The following GALNT2 variants were observed in gnomAD, a reference collection of about 807,000 sequenced individuals.
The protein encoded by GALNT2 is UDP-GalNAc:polypeptide N-acetylgalactosaminyltransferase 2.
Under a neutral mutation model 81.4 loss-of-function variants are expected in GALNT2, and 31 were observed. The ratio of observed to expected loss-of-function variants is 0.38; its 90% CI spans 0.29 to 0.51. The LOEUF (loss-of-function observed/expected upper bound fraction) is 0.51. Among genes scored for constraint, GALNT2 ranks in the 20% least tolerant of loss-of-function variants. The pLI is 0.87. For synonymous variants in GALNT2, 303 were observed against 287.4 expected (o/e 1.05, Z -0.55); for missense variants, 629 against 765.7 (o/e 0.82, Z 2.11).
At chr1:230,237,239 A>G (rs913942199) in intron 6 of GALNT2, among the ~76,000 whole-genome samples, 3 of 152,034 alleles carry the variant, frequency 2.0e-5, no homozygotes, top group Non-Finnish European at 2.9e-5. Context: ...GCTCATGAGG[A>G]CTCTTTTATT....
At chr1:230,203,358 C>T (rs370781777) in intron 3 of GALNT2, 68 bp downstream of exon 3, 3 of 1,530,928 alleles carry the variant, frequency 2.0e-6, no homozygotes, top group South Asian at 2.3e-5. Flanking sequence ...GTCGCTTTCA[C>T]CTGTGACACT....
chr1:230,276,125 GATATATACATATATATACACACCACAT>G (rs1558174758), intron 15 of GALNT2, among the ~76,000 whole-genome samples: 2 of 150,154 alleles, frequency 1.3e-5, no homozygotes, highest in South Asian at 2.1e-4. Context: ...AGACACCACA[GATATATACATATATATACACACCACAT>G]ATATATACAT....
intron 1 of GALNT2, among the ~76,000 whole-genome samples, chr1:230,082,338 A>C (rs1274892366): frequency 6.6e-6 from 1 of 152,386 alleles, no homozygotes; most frequent in East Asian, 1.9e-4. Flanking sequence ...ACCGTAGAAC[A>C]AAGCAGGCTT....
chr1:230,136,942 G>A (rs1335235028), intron 1 of GALNT2, among the ~76,000 whole-genome samples: 1 of 152,170 alleles, frequency 6.6e-6, no homozygotes, highest in Non-Finnish European at 1.5e-5. Context: ...TTCACCTCAC[G>A]GACAGCGAAG....
chr1:230,108,618 C>T (rs896195473), intron 1 of GALNT2, among the ~76,000 whole-genome samples: 3 of 152,182 alleles, frequency 2.0e-5, no homozygotes, highest in African/African-American at 4.8e-5. Context: ...CATCTGAAGT[C>T]GAAAATGCAT....
chr1:230,262,501 C>T, intron 11 of GALNT2, 72 bp from the exon 12 acceptor site: 1 of 1,327,606 alleles, frequency 7.5e-7, no homozygotes, highest in African/African-American at 1.4e-5. Context: ...CACACGCCAG[C>T]AGACAGGTGC....
chr1:230,095,928 G>A (rs1660243124), intron 1 of GALNT2, among the ~76,000 whole-genome samples: 1 of 152,240 alleles, frequency 6.6e-6, no homozygotes, highest in African/African-American at 2.4e-5. Flanking sequence ...CCAGCCGCGA[G>A]GCACCTGTGG....
chr1:230,100,615 A>G (rs1380610463), intron 1 of GALNT2, among the ~76,000 whole-genome samples: 1 of 152,150 alleles, frequency 6.6e-6, no homozygotes, highest in East Asian at 1.9e-4. Flanking sequence ...CGTGAGCCAC[A>G]GCACCCGGCG....
rs562296749 is a variant in GALNT2 at position 230,112,382 on chromosome 1, G to GA, written c.126+44977dup. On this transcript the variant is annotated intron_variant, in intron 1 of 15. Coordinates refer to ENST00000366672, the MANE Select transcript of GALNT2 (RefSeq NM_004481.5). ...GAGCCTGCCTCCAGAGGCGCCGGGG[G>GA]AGGGGGGGGGCCTGCATTTAGAGTG... is the stretch of plus-strand genomic sequence containing the variant. 1.6e-4 allele frequency among the ~76,000 whole-genome samples: 22 copies of GA among 137,684 alleles called. No homozygotes were observed. The South Asian group carries it at 4.4e-3, about 28-fold the overall frequency. The allele number at this position is 137,684 out of a possible 152,430, so 90.3% of individuals were successfully genotyped here. A position where few individuals can be genotyped will look rare whatever the true frequency, so the allele number is the denominator to read the frequency against.
At chr1:230,225,990 C>A (rs893404675) in intron 3 of GALNT2, among the ~76,000 whole-genome samples, 5 of 152,210 alleles carry the variant, frequency 3.3e-5, no homozygotes, top group African/African-American at 1.2e-4. Context: ...GTCTTATGCT[C>A]ACTAAACTGT....
intron 1 of GALNT2, among the ~76,000 whole-genome samples, chr1:230,177,349 C>T (rs991722421): frequency 7.9e-5 from 12 of 152,352 alleles, no homozygotes; most frequent in African/African-American, 2.6e-4. Context: ...TCCGCCTAAT[C>T]GCATCTGCTC....
chr1:230,102,894 G>A (rs1049881068), intron 1 of GALNT2, among the ~76,000 whole-genome samples: 1 of 152,148 alleles, frequency 6.6e-6, no homozygotes, highest in African/African-American at 2.4e-5. Flanking sequence ...CGGGGCCATG[G>A]GTGAAGACTG....
In GALNT2 at chr1:230,275,005, G is replaced by GAACA. The variant is rs1666249031; in HGVS notation, c.1560+441_1560+442insAACA. On this transcript the variant is annotated intron_variant, in intron 15 of 15. Coordinates refer to ENST00000366672, the MANE Select transcript of GALNT2 (RefSeq NM_004481.5). The surrounding 1 kb of genome is among the most constrained non-coding windows in gnomAD (Gnocchi z 5.5). ...ATGCTACATATATACATATATACAT[G>GAACA]CCACATATATACATATATACACGCC... is the stretch of plus-strand genomic sequence containing the variant. 6.7e-6 allele frequency among the ~76,000 whole-genome samples: 1 copy of GAACA among 149,802 alleles called. No individual in the cohort carries two copies. The highest frequency in any genetic ancestry group is 2.1e-4 in the South Asian group (1 of 4,730).
At chr1:230,077,275 C>G (rs1283451845) in intron 1 of GALNT2, among the ~76,000 whole-genome samples, 1 of 152,188 alleles carries the variant, frequency 6.6e-6, no homozygotes, top group East Asian at 1.9e-4. Flanking sequence ...CTGCCGCACT[C>G]TCCTTCCCCT....
chr1:230,124,792 C>T (rs1661123510), intron 1 of GALNT2, among the ~76,000 whole-genome samples: 1 of 152,160 alleles, frequency 6.6e-6, no homozygotes, highest in African/African-American at 2.4e-5. Flanking sequence ...GATGGTCCCA[C>T]CTGCATTACC....
intron 1 of GALNT2, among the ~76,000 whole-genome samples, chr1:230,060,116 G>A (rs1489678609): frequency 6.6e-6 from 1 of 152,114 alleles, no homozygotes; most frequent in African/African-American, 2.4e-5. Flanking sequence ...ATTAATCTGG[G>A]ACATTTCCTT....
intron 1 of GALNT2, among the ~76,000 whole-genome samples, chr1:230,129,410 T>G (rs1276560010): frequency 6.6e-6 from 1 of 152,188 alleles, no homozygotes; most frequent in Non-Finnish European, 1.5e-5. Context: ...TTCAAACTCC[T>G]GGGCTCAAGT....
In GALNT2 at chr1:230,121,948, CTTT is replaced by C. The variant is rs11430880; in HGVS notation, c.126+54559_126+54561del. ...TGTAGTTTATTTAAATACTGTTATG[CTTT>C]TTTTTTTTTTTTTTTTCAAGGGACA... On this transcript the variant is annotated intron_variant, in intron 1 of 15. Coordinates refer to ENST00000366672, the MANE Select transcript of GALNT2 (RefSeq NM_004481.5). 2.3e-3 allele frequency among the ~76,000 whole-genome samples: 237 copies of C among 104,014 alleles called. 2 individuals carry two copies. Among genetic ancestry groups the C allele is most frequent in the African/African-American group, 7.9e-3 (208 of 26,344 alleles). The allele number at this position is 104,014 out of a possible 152,430, so 68.2% of individuals were successfully genotyped here. A position where few individuals can be genotyped will look rare whatever the true frequency, so the allele number is the denominator to read the frequency against.
intron 3 of GALNT2, among the ~76,000 whole-genome samples, chr1:230,214,505 G>GT (rs895035782): frequency 4.6e-5 from 7 of 152,178 alleles, no homozygotes; most frequent in African/African-American, 1.7e-4. Flanking sequence ...GTTGTCTTCT[G>GT]TTTTTTGTTG....
Sources: gnomAD v4.1 joint callset for allele counts (sites outside exome capture counted in the v4.1 genomes callset) on GRCh38, gnomAD v4.1.1 for gene constraint, Gnocchi (gnomAD v3.1) non-coding constraint, MANE v1.5 for transcripts, NCBI Gene and HGNC (gene_info 2026-07-23, HGNC 2026-07-21) for gene names.